YPEL2: variants seen among roughly 807,000 people sequenced by gnomAD.
YPEL2 encodes protein yippee-like 2.
A neutral mutation model predicts 19.1 loss-of-function variants in YPEL2; 2 were observed. The observed-to-expected ratio is 0.10, with a 90% CI of 0.04 to 0.33. The LOEUF (loss-of-function observed/expected upper bound fraction) is 0.33, where lower values mean the gene tolerates loss of function less well. Ranked by LOEUF, YPEL2 falls within the 10% of genes least tolerant of loss-of-function variation. The pLI is 1.00. For missense variants in YPEL2, 66 were observed against 140.7 expected (o/e 0.47, Z 2.68); for synonymous variants, 52 against 50.0 (o/e 1.04, Z -0.17).
At chr17:59,340,090 AAC>A (rs1334504910) in intron 1 of YPEL2, among the ~76,000 whole-genome samples, 1 of 151,896 alleles carries the variant, frequency 6.6e-6, no homozygotes, top group East Asian at 1.9e-4. Context: ...CTGACTGAGA[AAC>A]AACTAATTTT....
At position 59,397,130 on chromosome 17, in the gene YPEL2, T is replaced by C. The variant is rs754797016; in HGVS notation, c.300T>C (p.Tyr100=). 3.1e-6 allele frequency: 5 copies of C among 1,612,578 alleles called. No homozygotes were observed. Among genetic ancestry groups the C allele is most frequent in the Admixed American group, 1.7e-5 (1 of 59,870 alleles). Residue 100 remains tyrosine (Y), a synonymous_variant, in exon 5 of 5, where the codon TAT becomes TAC. Coordinates refer to ENST00000312655, the MANE Select transcript of YPEL2 (RefSeq NM_001005404.4). The part of the protein sequence containing the change: ...YEHAFESSQK[Y]KEGKYIIELA... Reference sequence around the variant, plus strand: ...ATGCTTTTGAAAGCAGCCAGAAATATAAAGAAGGCAAATACATCATTGAAC... The same window carrying C: ...ATGCTTTTGAAAGCAGCCAGAAATACAAAGAAGGCAAATACATCATTGAAC...
intron 2 of YPEL2, among the ~76,000 whole-genome samples, chr17:59,383,176 T>C (rs182288121): frequency 6.6e-6 from 1 of 152,308 alleles, no homozygotes; most frequent in Admixed American, 6.5e-5. Flanking sequence ...TTATTGAATT[T>C]TAAAAATTTT....
At chr17:59,365,440 G>A (rs569507416) in intron 2 of YPEL2, among the ~76,000 whole-genome samples, 4 of 152,296 alleles carry the variant, frequency 2.6e-5, no homozygotes, top group Non-Finnish European at 4.4e-5. Flanking sequence ...GGTGGTTACT[G>A]TGCCTCTGAC....
At chr17:59,394,278 T>A (rs1165161965) in intron 4 of YPEL2, among the ~76,000 whole-genome samples, 8 of 142,954 alleles carry the variant, frequency 5.6e-5, no homozygotes, top group Non-Finnish European at 1.2e-4. Flanking sequence ...GGGCGGAGGG[T>A]CTCCTCACTT....
chr17:59,353,365 G>A lies in YPEL2; in HGVS notation c.-45G>A. On this transcript the variant is annotated 5_prime_UTR_variant, in exon 2 of 5. Transcript: ENST00000312655. The surrounding 1 kb of genome is among the most constrained non-coding windows in gnomAD (Gnocchi z 4.8). ...CCCGTGCGACCCATCCTGTGGGAGT[G>A]CCTCGTGGGCTGCCCCAGAGTTCAC... 7.1e-7 allele frequency: 1 copy of A among 1,413,538 alleles called. No homozygotes were observed. The highest frequency in any genetic ancestry group is 9.7e-7 in the Non-Finnish European group (1 of 1,029,138). 87.6% of individuals were successfully genotyped at this position (1,413,538 alleles called of 1,614,324 possible). A position where few individuals can be genotyped will look rare whatever the true frequency, so the allele number is the denominator to read the frequency against.
At chr17:59,392,514 T>G (rs1009075811) in intron 4 of YPEL2, among the ~76,000 whole-genome samples, 4 of 145,984 alleles carry the variant, frequency 2.7e-5, no homozygotes, top group South Asian at 2.3e-4. Context: ...CACGTTTTTT[T>G]TTTTTTTTTT....
intron 1 of YPEL2, among the ~76,000 whole-genome samples, chr17:59,346,628 G>A (rs1167116234): frequency 6.6e-6 from 1 of 152,184 alleles, no homozygotes; most frequent in Admixed American, 6.5e-5. Context: ...TTCAGTGATG[G>A]TGTTTAGCTT....
In YPEL2 at chr17:59,397,194, G is replaced by T; in HGVS notation, c.*4G>T. On this transcript the variant is annotated 3_prime_UTR_variant, in exon 5 of 5. Coordinates refer to ENST00000312655, the MANE Select transcript of YPEL2 (RefSeq NM_001005404.4). Reference sequence around the variant, plus strand: ...CAAGGACAATGGCTGGGACTGATTGGACAGCATCTACCCAACCCAGTGTCC... The same window carrying T: ...CAAGGACAATGGCTGGGACTGATTGTACAGCATCTACCCAACCCAGTGTCC... The T allele has an allele frequency of 6.2e-7, 1 of 1,602,782 alleles. No homozygotes were observed. Among genetic ancestry groups the T allele is most frequent in the Non-Finnish European group, 8.5e-7 (1 of 1,174,720 alleles).
chr17:59,340,871 C>T lies in YPEL2; in HGVS notation c.-196+9047C>T, dbSNP rs139905758. On this transcript the variant is annotated intron_variant, in intron 1 of 4. Coordinates refer to ENST00000312655, the MANE Select transcript of YPEL2 (RefSeq NM_001005404.4). ...CTGGGATTACAGGCGTGTGCCACCA[C>T]GCCTGGCTAATTTTTGTATTTTTAG... 2.0e-3 allele frequency among the ~76,000 whole-genome samples: 298 copies of T among 151,286 alleles called. 2 individuals are homozygous for T. Among genetic ancestry groups the T allele is most frequent in the African/African-American group, 6.9e-3 (286 of 41,334 alleles).
chr17:59,362,785 C>G (rs2047847975), intron 2 of YPEL2: 1 of 152,090 alleles, frequency 6.6e-6, no homozygotes, highest in South Asian at 2.1e-4. Context: ...GTGCAGGATC[C>G]CTCTGTTTCT....
chr17:59,380,650 C>T (rs2047944732), intron 2 of YPEL2, among the ~76,000 whole-genome samples: 1 of 152,154 alleles, frequency 6.6e-6, no homozygotes, highest in Non-Finnish European at 1.5e-5. Context: ...AATTGTGGCT[C>T]AGAGAGGTTA....
intron 2 of YPEL2, among the ~76,000 whole-genome samples, chr17:59,371,491 A>G (rs915199242): frequency 6.6e-6 from 1 of 152,174 alleles, no homozygotes; most frequent in Non-Finnish European, 1.5e-5. Flanking sequence ...GTAAGTGTTG[A>G]GAGGCAAGCA....
At chr17:59,360,395 G>A (rs2047835032) in intron 2 of YPEL2, among the ~76,000 whole-genome samples, 1 of 152,158 alleles carries the variant, frequency 6.6e-6, no homozygotes, top group Non-Finnish European at 1.5e-5. Context: ...GTGATTCTTA[G>A]ACATCACTTC....
At chr17:59,360,344 G>C (rs2047834698) in intron 2 of YPEL2, among the ~76,000 whole-genome samples, 1 of 152,212 alleles carries the variant, frequency 6.6e-6, no homozygotes, top group South Asian at 2.1e-4. Context: ...CTCCCAGAGT[G>C]CTGGGATTAC....
intron 1 of YPEL2, among the ~76,000 whole-genome samples, chr17:59,341,782 G>A (rs916149243): frequency 1.3e-5 from 2 of 152,194 alleles, no homozygotes; most frequent in African/African-American, 4.8e-5. Flanking sequence ...CAGGGACTTC[G>A]ATTCTTGTTA....
chr17:59,340,196 C>A (rs186531004), intron 1 of YPEL2, among the ~76,000 whole-genome samples: 64 of 151,982 alleles, frequency 4.2e-4, no homozygotes, highest in Admixed American at 1.4e-3. Context: ...CAATCTCCAC[C>A]CCCCCAGGTT....
chr17:59,376,111 CTTTT>C (rs2047919632), intron 2 of YPEL2, among the ~76,000 whole-genome samples: 2 of 152,164 alleles, frequency 1.3e-5, no homozygotes, highest in South Asian at 4.1e-4. Context: ...AGGCTCCCTT[CTTTT>C]TAGGAAGTCA....
intron 1 of YPEL2, among the ~76,000 whole-genome samples, chr17:59,340,011 T>C (rs966737367): frequency 6.6e-6 from 1 of 152,052 alleles, no homozygotes; most frequent in South Asian, 2.1e-4. Context: ...GTATGAGGGC[T>C]GATTAACCAG....
rs1053802034 is a variant in YPEL2 at position 59,397,421 on chromosome 17, C to G, written c.*231C>G. On this transcript the variant is annotated 3_prime_UTR_variant, in exon 5 of 5. Transcript: ENST00000312655. Reference sequence around the variant, plus strand: ...GTTGATCCTGGCTTCTCTCTCTGTTCTAGTTTTGGCTGAAAACAAAACAAC... The same window carrying G: ...GTTGATCCTGGCTTCTCTCTCTGTTGTAGTTTTGGCTGAAAACAAAACAAC... The G allele has an allele frequency of 1.1e-5, 4 of 360,190 alleles. No individual in the cohort carries two copies. The highest frequency in any genetic ancestry group is 2.0e-5 in the Non-Finnish European group (4 of 200,406). 22.3% of individuals were successfully genotyped at this position (360,190 alleles called of 1,614,324 possible). A position where few individuals can be genotyped will look rare whatever the true frequency, so the allele number is the denominator to read the frequency against.
Sources: allele counts gnomAD v4.1 joint callset (sites outside exome capture counted in the v4.1 genomes callset), GRCh38; gene constraint gnomAD v4.1.1; non-coding constraint Gnocchi (gnomAD v3.1); transcripts MANE v1.5; gene names NCBI Gene and HGNC (gene_info 2026-07-23, HGNC 2026-07-21).